CCDC138: variants seen among roughly 807,000 people sequenced by gnomAD.
CCDC138 encodes coiled-coil domain containing 138.
In CCDC138, 66 loss-of-function variants were observed where a neutral mutation model predicts 82.3. That is an observed-to-expected ratio of 0.80 (90% CI 0.66 to 0.98). CCDC138 has a LOEUF of 0.98. Among genes scored for constraint, CCDC138 ranks in the 50% least tolerant of loss-of-function variants. The pLI is 0.00. For synonymous variants in CCDC138, 297 were observed against 265.4 expected (o/e 1.12, Z -1.16); for missense variants, 816 against 758.9 (o/e 1.08, Z -0.88).
At chr2:108,788,637 G>A (rs1234653239) in intron 2 of CCDC138, among the ~76,000 whole-genome samples, 2 of 146,234 alleles carry the variant, frequency 1.4e-5, no homozygotes, top group African/African-American at 2.5e-5. Context: ...GGAGAATGGG[G>A]TGAACCCGGG....
At chr2:108,881,432 A>G (rs966760719), downstream of CCDC138, among the ~76,000 whole-genome samples, 1 of 152,238 alleles carries the variant, frequency 6.6e-6, no homozygotes, top group African/African-American at 2.4e-5. Context: ...CTTTCTCCTT[A>G]TCAGCAATAA....
chr2:108,852,856 C>T (rs552593839), intron 12 of CCDC138, among the ~76,000 whole-genome samples: 2 of 152,058 alleles, frequency 1.3e-5, no homozygotes, highest in Non-Finnish European at 2.9e-5. Context: ...CACAAGTGTA[C>T]CTGTGTAACA....
intron 10 of CCDC138, among the ~76,000 whole-genome samples, chr2:108,834,240 T>C (rs917071180): frequency 6.7e-6 from 1 of 148,476 alleles, no homozygotes; most frequent in Non-Finnish European, 1.5e-5. Flanking sequence ...TGAGACAGAG[T>C]CTCGCTCTGT....
intron 1 of CCDC138, chr2:108,882,454 A>C (rs1696319210): frequency 6.6e-6 from 1 of 152,208 alleles, no homozygotes; most frequent in African/African-American, 2.4e-5. Context: ...ATCCTTTTCT[A>C]TGCTAGCAAA....
intron 10 of CCDC138, among the ~76,000 whole-genome samples, chr2:108,822,949 G>C (rs1685956543): frequency 6.6e-6 from 1 of 152,076 alleles, no homozygotes. Context: ...ACTCAAATTA[G>C]AAAGGAAAGA....
At chr2:108,795,977 CAA>C (rs1680800975) in intron 5 of CCDC138, among the ~76,000 whole-genome samples, 1 of 152,074 alleles carries the variant, frequency 6.6e-6, no homozygotes, top group Admixed American at 6.5e-5. Flanking sequence ...TTGTAGCAAA[CAA>C]AGATGTTTAA....
chr2:108,826,692 C>T (rs1379077906), intron 10 of CCDC138, among the ~76,000 whole-genome samples: 1 of 150,610 alleles, frequency 6.6e-6, no homozygotes, highest in Non-Finnish European at 1.5e-5. Context: ...TGTGAATCTT[C>T]CAACTTTGTC....
rs1696008578 is a variant in CCDC138 at position 108,876,222 on chromosome 2, G to GT, written c.1968dup (p.Asn657Ter). Reference sequence around the variant, plus strand: ...CTGTTCAATCTGGGTTTAACAAAATGTAACTCCCTGGTCTCCAGTGCAAGC... The same window carrying GT: ...CTGTTCAATCTGGGTTTAACAAAATGTTAACTCCCTGGTCTCCAGTGCAAGC... On this transcript the variant is annotated frameshift_variant, in exon 15 of 15. Transcript: ENST00000295124. LOFTEE classifies it high-confidence loss of function. 3 of 1,612,380 alleles carry GT rather than the reference G, an allele frequency of 1.9e-6. No homozygotes were observed. The highest frequency in any genetic ancestry group is 1.3e-5 in the African/African-American group (1 of 74,872).
Position 108,805,376 on chromosome 2 carries a change from A to G in CCDC138, c.855+368A>G, listed in dbSNP as rs79380196. ...CATCATGCTAGACTCAGACCTTCAC[A>G]TTGCTCATGTTCTCATGGTTATAAA... On this transcript the variant is annotated intron_variant, in intron 7 of 14. Coordinates refer to ENST00000295124, the MANE Select transcript of CCDC138 (RefSeq NM_144978.3). 5.0e-3 allele frequency among the ~76,000 whole-genome samples: 761 copies of G among 152,192 alleles called. 4 individuals carry two copies. Among genetic ancestry groups the G allele is most frequent in the South Asian group, 0.021 (102 of 4,826 alleles).
intron 11 of CCDC138, among the ~76,000 whole-genome samples, chr2:108,842,828 A>G (rs1689741623): frequency 6.6e-6 from 1 of 152,238 alleles, no homozygotes; most frequent in Admixed American, 6.5e-5. Context: ...ACATCAAATT[A>G]TAAGCATTCA....
intron 7 of CCDC138, among the ~76,000 whole-genome samples, chr2:108,808,697 T>A (rs1206572484): frequency 6.6e-6 from 1 of 152,226 alleles, no homozygotes; most frequent in African/African-American, 2.4e-5. Context: ...ACCCATTTTT[T>A]ATTTGGATTA....
intron 12 of CCDC138, among the ~76,000 whole-genome samples, chr2:108,853,766 T>A (rs1691937206): frequency 1.4e-5 from 2 of 145,200 alleles, no homozygotes; most frequent in Non-Finnish European, 3.0e-5. Context: ...GCTGAAGCTG[T>A]CTTCCCCTCT....
intron 10 of CCDC138, among the ~76,000 whole-genome samples, chr2:108,828,934 C>T (rs748801653): frequency 1.6e-4 from 25 of 152,056 alleles, no homozygotes; most frequent in Non-Finnish European, 3.2e-4. Context: ...GCCGAGATCA[C>T]GCCATTGCAC....
intron 1 of CCDC138, 63 bp from the exon 2 acceptor site, chr2:108,787,969 A>G: frequency 7.7e-7 from 1 of 1,299,742 alleles, no homozygotes. Context: ...TTTGTGGGGA[A>G]ATATTTTGAG....
rs1212797126 is a variant in CCDC138, at chr2:108,869,004, G to A, written c.1694-4447G>A. Among the ~76,000 whole-genome samples, 3 of 151,958 alleles carry A rather than the reference G, an allele frequency of 2.0e-5. No homozygotes were observed. In the East Asian group the frequency reaches 5.8e-4, roughly 29 times the overall value. On this transcript the variant is annotated intron_variant, in intron 13 of 14. Transcript: ENST00000295124. Reference sequence around the variant, plus strand: ...CAGACTATACTTCATACTTGGAGTGGGTTTTATTTTACTTTATAAAAATTT... The same window carrying A: ...CAGACTATACTTCATACTTGGAGTGAGTTTTATTTTACTTTATAAAAATTT...
At chr2:108,840,153 T>G (rs1377696448) in intron 11 of CCDC138, among the ~76,000 whole-genome samples, 3 of 152,172 alleles carry the variant, frequency 2.0e-5, no homozygotes, top group African/African-American at 4.8e-5. Flanking sequence ...TGAATTACAT[T>G]GACTTTGAAA....
At chr2:108,841,299 T>C (rs1024242267) in intron 11 of CCDC138, among the ~76,000 whole-genome samples, 2 of 152,202 alleles carry the variant, frequency 1.3e-5, no homozygotes, top group African/African-American at 4.8e-5. Context: ...TGTTTGTGAG[T>C]TGTTCTATAT....
chr2:108,815,464 T>G (rs1004836774), intron 9 of CCDC138, among the ~76,000 whole-genome samples: 1 of 133,480 alleles, frequency 7.5e-6, no homozygotes, highest in African/African-American at 3.0e-5. Context: ...TTTTGGTGTT[T>G]TTTTTTTTTT....
At chr2:108,818,555 C>T (rs904716287) in intron 10 of CCDC138, among the ~76,000 whole-genome samples, 2 of 151,954 alleles carry the variant, frequency 1.3e-5, no homozygotes, top group Non-Finnish European at 2.9e-5. Flanking sequence ...TATAAATAAG[C>T]TTTTAAATAT....
Sources: allele counts gnomAD v4.1 joint callset (sites outside exome capture counted in the v4.1 genomes callset), GRCh38; gene constraint gnomAD v4.1.1; transcripts MANE v1.5; gene names NCBI Gene and HGNC (gene_info 2026-07-23, HGNC 2026-07-21).